The following POTEI variants were observed in gnomAD, a reference collection of about 807,000 sequenced individuals.
POTEI encodes the protein POTE ankyrin domain family, member I.
Under a neutral mutation model 43.4 loss-of-function variants are expected in POTEI, and 14 were observed. The ratio of observed to expected loss-of-function variants is 0.32; its 90% CI spans 0.21 to 0.50. The LOEUF is 0.50. Among genes scored for constraint, POTEI ranks in the 20% least tolerant of loss-of-function variants. The pLI is 0.98. For missense variants in POTEI, 235 were observed against 795.4 expected (o/e 0.30, Z 8.47); for synonymous variants, 95 against 297.9 (o/e 0.32, Z 7.01).
intron 10 of POTEI, among the ~76,000 whole-genome samples, chr2:130,479,262 TTTC>T (rs963568113): frequency 6.6e-6 from 1 of 151,016 alleles, no homozygotes; most frequent in African/African-American, 2.5e-5. Context: ...ATTAATGTTA[TTTC>T]TTACAGGAAA....
chr2:130,500,685 G>C (rs1684048665), intron 3 of POTEI, 43 bp from the exon 4 acceptor site: 1 of 790,546 alleles, frequency 1.3e-6, no homozygotes, highest in Non-Finnish European at 1.6e-6. Context: ...ATTCAAAAAA[G>C]TACATATTCC....
intron 1 of POTEI, among the ~76,000 whole-genome samples, chr2:130,507,272 G>GTATATA (rs1491586938): frequency 8.7e-5 from 1 of 11,500 alleles, no homozygotes; most frequent in Non-Finnish European, 1.9e-4. Flanking sequence ...AAAAAAAAAA[G>GTATATA]GATATATATA....
At chr2:130,472,194 G>C (rs1683053427) in intron 13 of POTEI, among the ~76,000 whole-genome samples, 1 of 124,570 alleles carries the variant, frequency 8.0e-6, no homozygotes, top group African/African-American at 2.9e-5. Context: ...CTGGAGGAGT[G>C]CTGAAATTGA....
chr2:130,493,128 T>C (rs1683810596), intron 6 of POTEI, among the ~76,000 whole-genome samples: 1 of 89,444 alleles, frequency 1.1e-5, no homozygotes, highest in Non-Finnish European at 2.4e-5. Flanking sequence ...AATGATTTTT[T>C]AGAAGTCAGA....
chr2:130,467,435 G>A (rs1417268148), intron 13 of POTEI, among the ~76,000 whole-genome samples: 1 of 131,858 alleles, frequency 7.6e-6, no homozygotes, highest in African/African-American at 2.8e-5. Context: ...TTCAATAAAT[G>A]GTGCTGGGAA....
intron 9 of POTEI, among the ~76,000 whole-genome samples, chr2:130,483,326 C>G (rs1573923987): frequency 2.3e-5 from 1 of 44,328 alleles, no homozygotes; most frequent in Non-Finnish European, 5.1e-5. Flanking sequence ...CGCCACTGCA[C>G]TCCAGCCTGG....
chr2:130,479,699 C>T (rs4044405), intron 10 of POTEI, among the ~76,000 whole-genome samples: 4 of 55,318 alleles, frequency 7.2e-5, no homozygotes, highest in Admixed American at 4.3e-4. Flanking sequence ...AAGAAAAAGC[C>T]TGCTAACCCA....
chr2:130,491,252 T>TCC (rs1219092078), intron 6 of POTEI, among the ~76,000 whole-genome samples: 1 of 138,080 alleles, frequency 7.2e-6, no homozygotes, highest in Non-Finnish European at 1.6e-5. Flanking sequence ...TGTCTCCCCT[T>TCC]CCCCTCAGCA....
rs1270359112 is a variant in POTEI at position 130,492,959 on chromosome 2, T to C, written c.1127-2219A>G. Among the ~76,000 whole-genome samples the C allele has an allele frequency of 1.8e-4, 28 of 151,592 alleles. 1 individual carries two copies. The highest frequency in any genetic ancestry group is 6.3e-4 in the African/African-American group (26 of 41,306). On this transcript the variant is annotated intron_variant, in intron 6 of 14. Transcript: ENST00000451531. ...CCTGGTACTCACTCTCAAGTTTATG[T>C]TAAATACTAGCCTATACAAAAAACA...
intron 1 of POTEI, among the ~76,000 whole-genome samples, chr2:130,507,278 A>G (rs1684188488): frequency 5.7e-4 from 1 of 1,748 alleles, no homozygotes; most frequent in Non-Finnish European, 5.4e-3. Context: ...AAAAGGATAT[A>G]TATATATATA....
At chr2:130,478,609 A>C (rs971394072) in intron 10 of POTEI, among the ~76,000 whole-genome samples, 9 of 130,980 alleles carry the variant, frequency 6.9e-5, no homozygotes, top group Non-Finnish European at 1.5e-5. Flanking sequence ...CAGAACTATG[A>C]CATGAAGCCA....
At chr2:130,509,464 C>G, upstream of POTEI, 1 of 294,696 alleles carries the variant, frequency 3.4e-6, no homozygotes, top group Non-Finnish European at 5.8e-6. Flanking sequence ...AACCCCCCCC[C>G]CCAAGAAAAC....
intron 13 of POTEI, among the ~76,000 whole-genome samples, chr2:130,468,121 CAAAAT>C (rs1682903552): frequency 7.8e-6 from 1 of 127,882 alleles, no homozygotes; most frequent in Non-Finnish European, 1.6e-5. Context: ...GATATCTACA[CAAAAT>C]AAAAGAAATC....
chr2:130,468,713 G>GA (rs1682943072), intron 13 of POTEI, among the ~76,000 whole-genome samples: 3 of 146,948 alleles, frequency 2.0e-5, no homozygotes, highest in Non-Finnish European at 3.0e-5. Flanking sequence ...TGGGGGGGGG[G>GA]GTATCCTTAT....
chr2:130,460,312 A>C lies in POTEI; in HGVS notation c.*2504T>G, dbSNP rs1337828253. The stretch of plus-strand genomic sequence containing the variant: ...ACTCTCTCAAAAGTGAACCCCCAGC[A>C]CAGCACAGCCGCTCTACACAAACGT... On this transcript the variant is annotated 3_prime_UTR_variant, in exon 15 of 15. Coordinates refer to ENST00000451531, the MANE Select transcript of POTEI (RefSeq NM_001277406.2). The C allele has an allele frequency of 6.6e-6, 1 of 151,892 alleles. No homozygotes were observed. Among genetic ancestry groups the C allele is most frequent in the Non-Finnish European group, 1.5e-5 (1 of 68,066 alleles). The allele number at this position is 151,892 out of a possible 1,614,324, so 9.4% of individuals were successfully genotyped here.
chr2:130,507,502 C>A (rs1684222960), intron 1 of POTEI, among the ~76,000 whole-genome samples: 2 of 36,002 alleles, frequency 5.6e-5, no homozygotes, highest in Admixed American at 4.2e-4. Flanking sequence ...AATTTTTAAT[C>A]TATACTCTTA....
chr2:130,495,865 G>A (rs1683891107), intron 6 of POTEI, among the ~76,000 whole-genome samples: 1 of 46,138 alleles, frequency 2.2e-5, no homozygotes, highest in African/African-American at 4.9e-5. Context: ...CTTCAAATGA[G>A]GAGGAATGAA....
chr2:130,497,977 T>C (rs1197948480), intron 5 of POTEI: 1 of 133,294 alleles, frequency 7.5e-6, no homozygotes, highest in Non-Finnish European at 1.6e-5. Context: ...AGTTTGAAAA[T>C]ATTTTAAAAT....
At chr2:130,484,165 T>C (rs996494776) in intron 9 of POTEI, among the ~76,000 whole-genome samples, 21 of 149,848 alleles carry the variant, frequency 1.4e-4, no homozygotes, top group Middle Eastern at 6.8e-3. Flanking sequence ...GGTGGGAAAG[T>C]TGAGATGGCC....
Sources: allele counts gnomAD v4.1 joint callset (sites outside exome capture counted in the v4.1 genomes callset), GRCh38; gene constraint gnomAD v4.1.1; transcripts MANE v1.5; gene names NCBI Gene and HGNC (gene_info 2026-07-23, HGNC 2026-07-21).